AFG1L: variants seen among roughly 807,000 people sequenced by gnomAD.
AFG1L encodes AFG1-like ATPase.
A neutral mutation model predicts 62.2 loss-of-function variants in AFG1L; 53 were observed. The observed-to-expected ratio is 0.85, with a 90% CI of 0.68 to 1.07. The LOEUF is 1.07. Among genes scored for constraint, AFG1L ranks in the 50% least tolerant of loss-of-function variants. The pLI is 0.00. For synonymous variants in AFG1L, 228 were observed against 210.3 expected (o/e 1.08, Z -0.73); for missense variants, 555 against 590.5 (o/e 0.94, Z 0.62).
intron 1 of AFG1L, chr6:108,319,691 C>T (rs1562472210): frequency 8.6e-6 from 3 of 348,192 alleles, no homozygotes; most frequent in Admixed American, 3.3e-5. Flanking sequence ...GCTCTGCAGC[C>T]TCCAACTTTT....
intron 7 of AFG1L, among the ~76,000 whole-genome samples, chr6:108,430,108 C>T (rs143600644): frequency 7.6e-4 from 116 of 152,094 alleles, no homozygotes; most frequent in Admixed American, 2.2e-3. Flanking sequence ...CCACAACGCC[C>T]GGCTAATTTT....
chr6:108,484,169 A>G (rs1773437035), intron 10 of AFG1L, among the ~76,000 whole-genome samples: 1 of 152,228 alleles, frequency 6.6e-6, no homozygotes, highest in African/African-American at 2.4e-5. Context: ...ACCAGAGCTG[A>G]GGCAGCCCAG....
chr6:108,513,019 T>C (rs571734633), intron 11 of AFG1L, among the ~76,000 whole-genome samples: 1 of 152,266 alleles, frequency 6.6e-6, no homozygotes, highest in African/African-American at 2.4e-5. Flanking sequence ...TGTCAACACA[T>C]GATTTTTAAG....
chr6:108,436,345 A>G (rs78215611), intron 7 of AFG1L, among the ~76,000 whole-genome samples: 115 of 148,940 alleles, frequency 7.7e-4, no homozygotes, highest in East Asian at 9.9e-4. Context: ...GGGTTTCACT[A>G]TATTGGCCAG....
intron 2 of AFG1L, among the ~76,000 whole-genome samples, chr6:108,346,281 A>G (rs985379197): frequency 4.6e-5 from 7 of 152,158 alleles, no homozygotes; most frequent in Middle Eastern, 3.2e-3. Context: ...AACTACTTTC[A>G]TCTTGTAAAA....
At chr6:108,439,920 A>G (rs1437970249) in intron 7 of AFG1L, among the ~76,000 whole-genome samples, 1 of 152,150 alleles carries the variant, frequency 6.6e-6, no homozygotes, top group Non-Finnish European at 1.5e-5. Flanking sequence ...TTAGTACAGT[A>G]TGCAATTAAG....
At chr6:108,467,278 G>A (rs1236799865) in intron 8 of AFG1L, among the ~76,000 whole-genome samples, 1 of 145,650 alleles carries the variant, frequency 6.9e-6, no homozygotes, top group African/African-American at 2.6e-5. Flanking sequence ...GTGGAGTTTC[G>A]CTCTTATTGC....
At chr6:108,437,955 G>A (rs910342766) in intron 7 of AFG1L, among the ~76,000 whole-genome samples, 3 of 152,134 alleles carry the variant, frequency 2.0e-5, no homozygotes, top group Non-Finnish European at 4.4e-5. Context: ...CTTTTTGGAT[G>A]CACTGTGAAT....
intron 1 of AFG1L, chr6:108,318,341 A>T: frequency 2.5e-6 from 1 of 394,330 alleles, no homozygotes; most frequent in South Asian, 2.4e-5. Flanking sequence ...AATGCTGGCC[A>T]TAAGAGATGC....
At position 108,494,373 on chromosome 6, in the gene AFG1L, T is replaced by C. The variant is rs561865132; in HGVS notation, c.1063-15839T>C. On this transcript the variant is annotated intron_variant, in intron 10 of 12. Coordinates refer to ENST00000368977, the MANE Select transcript of AFG1L (RefSeq NM_145315.5). ...TCGAGTAGAGTAGAGGAGTGTACCC[T>C]CCTCTAGTTTGTCACATTGATTTTT... is the stretch of plus-strand genomic sequence containing the variant. 4.8e-3 allele frequency among the ~76,000 whole-genome samples: 736 copies of C among 152,024 alleles called. 2 individuals are homozygous for C. The highest frequency in any genetic ancestry group is 0.015 in the African/African-American group (604 of 41,442).
chr6:108,314,784 C>G (rs1777530219), intron 1 of AFG1L, among the ~76,000 whole-genome samples: 1 of 152,050 alleles, frequency 6.6e-6, no homozygotes, highest in South Asian at 2.1e-4. Flanking sequence ...TGTTCTCAAT[C>G]CTACTTACAA....
At position 108,519,805 on chromosome 6, in the gene AFG1L, A is replaced by G. The variant is rs201882620; in HGVS notation, c.1312A>G (p.Ser438Gly). ...SRILMDDLGLSQDSAEGLSMF... is the reference protein window; with the variant it reads ...SRILMDDLGLGQDSAEGLSMF... ...AATACTGATGGATGATTTGGGGCTG[A>G]GCCAGGTAGGCGATATTAACATAAT... The change falls in exon 12 of 13, where the codon AGC becomes GGC. Residue 438 changes from serine to glycine, a missense_variant. By Grantham distance (56) the Ser-to-Gly change is moderately conservative. Coordinates refer to ENST00000368977, the MANE Select transcript of AFG1L (RefSeq NM_145315.5). 1.9e-5 allele frequency: 30 copies of G among 1,595,460 alleles called. No homozygotes were observed. In the Admixed American group the frequency reaches 3.8e-4, roughly 20 times the overall value.
intron 8 of AFG1L, among the ~76,000 whole-genome samples, chr6:108,466,175 G>GA (rs974212562): frequency 8.5e-5 from 13 of 152,188 alleles, no homozygotes; most frequent in African/African-American, 3.1e-4. Flanking sequence ...AGGATGTGGA[G>GA]AAAATGGAAC....
At chr6:108,368,292 C>A (rs999119841) in intron 6 of AFG1L, among the ~76,000 whole-genome samples, 9 of 151,622 alleles carry the variant, frequency 5.9e-5, no homozygotes, top group African/African-American at 2.2e-4. Flanking sequence ...ATTTGATAAT[C>A]ATATTTCTAT....
intron 1 of AFG1L, among the ~76,000 whole-genome samples, chr6:108,311,193 C>T (rs1004574478): frequency 5.9e-5 from 9 of 152,224 alleles, no homozygotes; most frequent in Non-Finnish European, 1.0e-4. Context: ...TTTCACTTTA[C>T]GTCTCAGCCA....
At chr6:108,514,775 T>C (rs1774810157) in intron 11 of AFG1L, among the ~76,000 whole-genome samples, 1 of 151,990 alleles carries the variant, frequency 6.6e-6, no homozygotes, top group Non-Finnish European at 1.5e-5. Context: ...GAGACACACA[T>C]GGACTCAAAA....
At chr6:108,347,445 C>T (rs1778906417) in intron 3 of AFG1L, among the ~76,000 whole-genome samples, 1 of 152,066 alleles carries the variant, frequency 6.6e-6, no homozygotes, top group Non-Finnish European at 1.5e-5. Flanking sequence ...ATAACCTAAG[C>T]CCTTGGATGA....
chr6:108,410,292 G>A (rs918853319), intron 7 of AFG1L, among the ~76,000 whole-genome samples: 2 of 151,256 alleles, frequency 1.3e-5, no homozygotes, highest in African/African-American at 4.9e-5. Context: ...GGGCAAGAGC[G>A]AGACTCTGTC....
rs1362846577 is a variant in AFG1L, at chr6:108,510,283, A to G, written c.1134A>G (p.Gln378=). 6 of 1,612,518 alleles carry G rather than the reference A, an allele frequency of 3.7e-6. No individual in the cohort carries two copies. Among genetic ancestry groups the G allele is most frequent in the East Asian group, 4.5e-5 (2 of 44,834 alleles). The part of the protein sequence containing the change: ...FDTIFLRNIP[Q]FTLANRTQGR... ...CAATATTTTTACGAAACATTCCGCAATTTACTCTGGCAAACAGGACTCAAG... is the reference window on the plus strand; with the variant it reads ...CAATATTTTTACGAAACATTCCGCAGTTTACTCTGGCAAACAGGACTCAAG... The change falls in exon 11 of 13, where the codon CAA becomes CAG. Residue 378 remains glutamine, a synonymous_variant. Transcript: ENST00000368977.
Sources: gnomAD v4.1 joint callset for allele counts (sites outside exome capture counted in the v4.1 genomes callset) on GRCh38, gnomAD v4.1.1 for gene constraint, MANE v1.5 for transcripts, NCBI Gene and HGNC (gene_info 2026-07-23, HGNC 2026-07-21) for gene names.